The following PLCH1 variants were observed in gnomAD, a reference collection of about 807,000 sequenced individuals.
PLCH1 encodes 1-phosphatidylinositol 4,5-bisphosphate phosphodiesterase eta-1.
PLCH1 carries 60 observed loss-of-function variants against 126.7 expected under a neutral mutation model. The ratio of observed to expected loss-of-function variants is 0.47; its 90% CI spans 0.38 to 0.59. The LOEUF is 0.59. Among genes scored for constraint, PLCH1 ranks in the 20% least tolerant of loss-of-function variants. The pLI, the probability that PLCH1 is intolerant of heterozygous loss-of-function variation, is 0.00. For missense variants in PLCH1, 1,723 were observed against 2,040.0 expected, an observed-to-expected ratio of 0.84 and a Z score of 2.99; for synonymous variants, 719 against 734.9, an observed-to-expected ratio of 0.98 and a Z score of 0.35.
chr3:155,583,529 G>A lies in PLCH1; in HGVS notation c.714C>T (p.Asp238=). ...CTTCCACAGTTAGGTGATCTTTCTT[G>A]TCACTGTAGCTCAAAAGTAACAAAT... ...DLYLLLLSYS[D]KKDHLTVEEL... is the part of the protein sequence containing the mutation. Residue 238 remains aspartate (D), a synonymous_variant, in exon 6 of 23, where the codon GAC becomes GAT. Transcript: ENST00000460012. 1 of 1,607,618 alleles carries A rather than the reference G, an allele frequency of 6.2e-7. No homozygotes were observed. The highest frequency in any genetic ancestry group is 8.5e-7 in the Non-Finnish European group (1 of 1,177,878).
chr3:155,676,376 T>A, intron 2 of PLCH1: 1 of 1,041,584 alleles, frequency 9.6e-7, no homozygotes, highest in Non-Finnish European at 1.2e-6. Context: ...GTATGAGACA[T>A]GCATGCTTCG....
chr3:155,458,443 AAGGAAG>A (rs1712540420), intron 21 of PLCH1, among the ~76,000 whole-genome samples: 964 of 82,936 alleles, frequency 0.012, 11 homozygotes, highest in East Asian at 0.019. Flanking sequence ...GGAAGGAAGG[AAGGAAG>A]GAAGGAAAGA....
chr3:155,600,190 G>C lies in PLCH1; in HGVS notation c.80-3812C>G, dbSNP rs541552057. Reference sequence around the variant, plus strand: ...TTACAAAGCTAACCAGAGATAACTGGTTAGCACCCTCAATAACTCTTTGCA... The same window carrying C: ...TTACAAAGCTAACCAGAGATAACTGCTTAGCACCCTCAATAACTCTTTGCA... On this transcript the variant is annotated intron_variant, in intron 2 of 22. Coordinates refer to ENST00000460012, the MANE Select transcript of PLCH1 (RefSeq NM_014996.4). Among the ~76,000 whole-genome samples the C allele has an allele frequency of 7.9e-5, 12 of 152,214 alleles. 1 individual carries two copies. In the South Asian group the frequency reaches 2.5e-3, roughly 32 times the overall value.
intron 1 of PLCH1, 44 bp downstream of exon 1, chr3:155,744,796 A>AC (rs1749869207): frequency 6.6e-6 from 1 of 151,696 alleles, no homozygotes; most frequent in African/African-American, 2.4e-5. Context: ...TTTCCTGCAC[A>AC]CCCCCTTCTC....
chr3:155,672,023 G>A (rs1334996116), intron 2 of PLCH1, among the ~76,000 whole-genome samples: 2 of 151,996 alleles, frequency 1.3e-5, no homozygotes, highest in South Asian at 2.1e-4. Context: ...TCACAATACC[G>A]ACTAAAATCA....
chr3:155,733,484 C>T (rs932668706), intron 1 of PLCH1, among the ~76,000 whole-genome samples: 4 of 152,048 alleles, frequency 2.6e-5, no homozygotes, highest in Admixed American at 6.6e-5. Context: ...ACAGTCTCTT[C>T]GATAAATAGG....
At chr3:155,486,220 AAACAAAACAC>A (rs1204116560) in intron 21 of PLCH1, 6 of 1,525,438 alleles carry the variant, frequency 3.9e-6, no homozygotes, top group South Asian at 1.2e-5. Flanking sequence ...TAAAGGAAAA[AAACAAAACAC>A]AACAAAACAC....
At chr3:155,610,863 T>G (rs1734990472) in intron 2 of PLCH1, among the ~76,000 whole-genome samples, 1 of 152,092 alleles carries the variant, frequency 6.6e-6, no homozygotes, top group Admixed American at 6.5e-5. Flanking sequence ...TACATCACTT[T>G]CAATACTAAT....
At chr3:155,591,725 T>C (rs1732195926) in intron 4 of PLCH1, among the ~76,000 whole-genome samples, 1 of 152,132 alleles carries the variant, frequency 6.6e-6, no homozygotes, top group Non-Finnish European at 1.5e-5. Context: ...CTCTTTAGAA[T>C]CTTCAGGGTT....
chr3:155,552,017 C>G (rs188889093), intron 9 of PLCH1, among the ~76,000 whole-genome samples: 4 of 152,218 alleles, frequency 2.6e-5, no homozygotes, highest in Admixed American at 2.0e-4. Context: ...GTTGTAAAGA[C>G]CCATTAGAAT....
intron 10 of PLCH1, among the ~76,000 whole-genome samples, chr3:155,537,204 A>AC (rs1723519473): frequency 0.023 from 118 of 5,076 alleles, 5 homozygotes; most frequent in African/African-American, 0.042. Context: ...AAAAAAACCA[A>AC]AAAAAAAAAA....
At chr3:155,727,918 A>T (rs981086866) in intron 1 of PLCH1, among the ~76,000 whole-genome samples, 1 of 151,370 alleles carries the variant, frequency 6.6e-6, no homozygotes, top group African/African-American at 2.4e-5. Flanking sequence ...TCTAATTCAC[A>T]CTTACATTAA....
chr3:155,476,670 TTAAAG>T (rs915097741), downstream of PLCH1, among the ~76,000 whole-genome samples: 15 of 151,534 alleles, frequency 9.9e-5, no homozygotes, highest in African/African-American at 3.4e-4. Context: ...GTGAAAAAAA[TTAAAG>T]TAATCCTATT....
At chr3:155,478,634 T>A (rs985850592), downstream of PLCH1, among the ~76,000 whole-genome samples, 6 of 152,160 alleles carry the variant, frequency 3.9e-5, no homozygotes, top group Non-Finnish European at 7.4e-5. Context: ...TTGTTTTTTT[T>A]AAAGGGAAAG....
chr3:155,542,285 A>G (rs1348945981), intron 10 of PLCH1, among the ~76,000 whole-genome samples: 2 of 152,210 alleles, frequency 1.3e-5, no homozygotes, highest in Non-Finnish European at 2.9e-5. Flanking sequence ...GCCGATTGCT[A>G]GCACAGCAGT....
intron 10 of PLCH1, among the ~76,000 whole-genome samples, chr3:155,532,587 C>T (rs1722846981): frequency 6.6e-6 from 1 of 152,186 alleles, no homozygotes; most frequent in South Asian, 2.1e-4. Flanking sequence ...TGAGTTCTCA[C>T]AGGATCTGAT....
intron 12 of PLCH1, among the ~76,000 whole-genome samples, chr3:155,506,457 G>A (rs1429561034): frequency 3.3e-5 from 5 of 150,026 alleles, no homozygotes; most frequent in East Asian, 4.0e-4. Context: ...ACCCACTAAC[G>A]TGTCAACTAG....
intron 2 of PLCH1, among the ~76,000 whole-genome samples, chr3:155,696,522 G>A (rs1745818994): frequency 6.6e-6 from 1 of 152,184 alleles, no homozygotes; most frequent in Non-Finnish European, 1.5e-5. Context: ...TAGAAACAGA[G>A]TGGGAAAGAC....
At chr3:155,743,627 AAGGT>A (rs1345662917) in intron 1 of PLCH1, 4 of 410,234 alleles carry the variant, frequency 9.8e-6, no homozygotes, top group Non-Finnish European at 9.4e-6. Context: ...TTTAACCCCA[AAGGT>A]GACCAAAACG....
Sources: gnomAD v4.1 joint callset for allele counts (sites outside exome capture counted in the v4.1 genomes callset) on GRCh38, gnomAD v4.1.1 for gene constraint, MANE v1.5 for transcripts, NCBI Gene and HGNC (gene_info 2026-07-23, HGNC 2026-07-21) for gene names.